Variants in TFG observed in about 807,000 individuals in gnomAD.
TFG encodes the protein trafficking from ER to golgi regulator, also known as protein TFG.
Under a neutral mutation model 51.4 loss-of-function variants are expected in TFG, and 22 were observed. The observed-to-expected ratio is 0.43, with a 90% CI of 0.31 to 0.61. The LOEUF is 0.61. Ranked by LOEUF, TFG falls within the 20% of genes least tolerant of loss-of-function variation. The pLI is 0.12. For synonymous variants in TFG, 187 were observed against 165.6 expected, an observed-to-expected ratio of 1.13 and a Z score of -0.99; for missense variants, 419 against 487.7, an observed-to-expected ratio of 0.86 and a Z score of 1.33.
chr3:100,724,943 G>T (rs2095070853), intron 3 of TFG, among the ~76,000 whole-genome samples: 1 of 152,112 alleles, frequency 6.6e-6, no homozygotes, highest in African/African-American at 2.4e-5. Flanking sequence ...TCTCACTGTT[G>T]CCCAGGCTGG....
chr3:100,721,918 A>G (rs1054609707), intron 3 of TFG, among the ~76,000 whole-genome samples: 1 of 152,264 alleles, frequency 6.6e-6, no homozygotes, highest in African/African-American at 2.4e-5. Flanking sequence ...TGGGAGGCCA[A>G]GGCGGGCGGA....
At chr3:100,746,326 A>C (rs2095134820) in intron 7 of TFG, among the ~76,000 whole-genome samples, 2 of 152,118 alleles carry the variant, frequency 1.3e-5, no homozygotes, top group South Asian at 4.1e-4. Context: ...TGTGGGACTC[A>C]GGCGTTTGCA....
Position 100,748,841 on chromosome 3 carries a change from T to G in TFG, c.*310T>G. On this transcript the variant is annotated 3_prime_UTR_variant, in exon 8 of 8. Transcript: ENST00000240851. ...AGGATATTAAAATGCTAGGGTGAGG[T>G]TTAGCCATCTTACTTGGCTTTTTAC... The G allele has an allele frequency of 3.4e-6, 1 of 297,996 alleles. No homozygotes were observed. The highest frequency in any genetic ancestry group is 4.5e-5 in the Admixed American group (1 of 22,062). 18.5% of individuals were successfully genotyped at this position (297,996 alleles called of 1,614,324 possible).
intron 2 of TFG, among the ~76,000 whole-genome samples, chr3:100,719,390 C>T (rs2095054780): frequency 6.6e-6 from 1 of 152,128 alleles, no homozygotes; most frequent in African/African-American, 2.4e-5. Flanking sequence ...ATTCTTTATC[C>T]CTGAGATCTG....
intron 6 of TFG, among the ~76,000 whole-genome samples, chr3:100,740,475 C>T (rs972422959): frequency 1.3e-5 from 2 of 152,128 alleles, no homozygotes; most frequent in African/African-American, 4.8e-5. Flanking sequence ...CTTTTATAGC[C>T]TGTCCTCAGA....
chr3:100,742,115 T>G (rs1482031230), intron 6 of TFG, among the ~76,000 whole-genome samples: 4 of 152,186 alleles, frequency 2.6e-5, no homozygotes, highest in Non-Finnish European at 5.9e-5. Flanking sequence ...ATCCTTTTTC[T>G]TTTTTTAAAC....
At chr3:100,742,432 T>A (rs1005056518) in intron 6 of TFG, 5 of 152,184 alleles carry the variant, frequency 3.3e-5, no homozygotes, top group African/African-American at 1.2e-4. Flanking sequence ...ACAAATAAGA[T>A]AATGATTTAT....
chr3:100,742,755 C>G (rs1354310526), intron 6 of TFG: 1 of 151,866 alleles, frequency 6.6e-6, no homozygotes, highest in Non-Finnish European at 1.5e-5. Flanking sequence ...TTTAACGAAA[C>G]AATGTCGAAC....
chr3:100,735,040 A>T (rs943504812), intron 5 of TFG, among the ~76,000 whole-genome samples: 1 of 152,178 alleles, frequency 6.6e-6, no homozygotes, highest in Non-Finnish European at 1.5e-5. Flanking sequence ...ATTACATATA[A>T]GGGAGGAAAG....
At chr3:100,730,589 C>T (rs1299595595) in intron 4 of TFG, among the ~76,000 whole-genome samples, 2 of 152,122 alleles carry the variant, frequency 1.3e-5, no homozygotes, top group Non-Finnish European at 2.9e-5. Flanking sequence ...ACATCAGAAA[C>T]TGAAATCTAG....
At chr3:100,731,454 G>T (rs2095091424) in intron 4 of TFG, among the ~76,000 whole-genome samples, 1 of 152,088 alleles carries the variant, frequency 6.6e-6, no homozygotes, top group Admixed American at 6.5e-5. Context: ...TTGTTTTTCT[G>T]TTGTTGTTTT....
In TFG at chr3:100,711,082, A is replaced by G. The variant is rs1169972245; in HGVS notation, c.-44+1361A>G. ...GTGAATTTGCAGGTAAACACGGCAGATAGAAAGTATACGTGACTCAATTTT... is the reference window on the plus strand; with the variant it reads ...GTGAATTTGCAGGTAAACACGGCAGGTAGAAAGTATACGTGACTCAATTTT... On this transcript the variant is annotated intron_variant, in intron 1 of 7. Transcript: ENST00000240851. 2.6e-5 allele frequency: 4 copies of G among 151,438 alleles called. No homozygotes were observed. In the East Asian group the frequency reaches 7.7e-4, roughly 29 times the overall value. The allele number at this position is 151,438 out of a possible 1,614,324, so 9.4% of individuals were successfully genotyped here.
chr3:100,732,986 C>G (rs1223596685), intron 5 of TFG, among the ~76,000 whole-genome samples: 1 of 152,116 alleles, frequency 6.6e-6, no homozygotes, highest in Non-Finnish European at 1.5e-5. Context: ...TTTTAAAAAT[C>G]TGAACTATTT....
At chr3:100,714,226 G>A (rs576145051) in intron 2 of TFG, among the ~76,000 whole-genome samples, 13 of 152,178 alleles carry the variant, frequency 8.5e-5, no homozygotes, top group African/African-American at 2.6e-4. Flanking sequence ...GGGGCCGGGC[G>A]CAGCAGCTCA....
At chr3:100,739,521 G>C (rs1291711338) in intron 6 of TFG, among the ~76,000 whole-genome samples, 2 of 152,040 alleles carry the variant, frequency 1.3e-5, no homozygotes, top group Non-Finnish European at 2.9e-5. Context: ...TCAGAGATCG[G>C]GAGATATTGC....
chr3:100,719,156 A>G (rs967856948), intron 2 of TFG, among the ~76,000 whole-genome samples: 4 of 152,150 alleles, frequency 2.6e-5, no homozygotes, highest in South Asian at 2.1e-4. Flanking sequence ...AATCCAACTA[A>G]TTAGTGTTAA....
chr3:100,718,224 G>C (rs1052322487), intron 2 of TFG, among the ~76,000 whole-genome samples: 1 of 152,146 alleles, frequency 6.6e-6, no homozygotes, highest in Non-Finnish European at 1.5e-5. Context: ...AGTGTGCCTG[G>C]CCTTTAACTG....
At chr3:100,709,401 T>G (rs570278179), upstream of TFG, 1 of 152,344 alleles carries the variant, frequency 6.6e-6, no homozygotes, top group Non-Finnish European at 1.5e-5. Flanking sequence ...CAGCCAGCCC[T>G]GCGCCTCGCG....
intron 3 of TFG, among the ~76,000 whole-genome samples, chr3:100,720,922 T>C (rs542724844): frequency 1.3e-5 from 2 of 152,340 alleles, no homozygotes; most frequent in East Asian, 3.9e-4. Flanking sequence ...TTTGTTGTTT[T>C]GTTTAGCATT....
Sources: allele counts gnomAD v4.1 joint callset (sites outside exome capture counted in the v4.1 genomes callset), GRCh38; gene constraint gnomAD v4.1.1; transcripts MANE v1.5; gene names NCBI Gene and HGNC (gene_info 2026-07-23, HGNC 2026-07-21).